VEZF1: variants seen among roughly 807,000 people sequenced by gnomAD.
The protein encoded by VEZF1 is vascular endothelial zinc finger 1.
VEZF1 carries 5 observed loss-of-function variants against 44.1 expected under a neutral mutation model. The ratio of observed to expected loss-of-function variants is 0.11; its 90% CI spans 0.06 to 0.24. The LOEUF is 0.24. VEZF1 is among the 10% of genes least tolerant of loss of function. The probability of loss-of-function intolerance (pLI) is 1.00; values close to 1 mark genes in which losing one functional copy is unlikely to be tolerated. For missense variants in VEZF1, 358 were observed against 641.8 expected, an observed-to-expected ratio of 0.56 and a Z score of 4.78; for synonymous variants, 236 against 233.1, an observed-to-expected ratio of 1.01 and a Z score of -0.11.
At position 57,974,815 on chromosome 17, in the gene VEZF1, C is replaced by T. The variant is rs781487035; in HGVS notation, c.1224G>A (p.Ser408=). The T allele has an allele frequency of 2.0e-5, 32 of 1,613,950 alleles. No individual in the cohort carries two copies. Among genetic ancestry groups the T allele is most frequent in the South Asian group, 8.8e-5 (8 of 91,080 alleles). Reference sequence around the variant, plus strand: ...TGACTGGGTTTGACATAGTCCCAGACGACACAGAGGATGTTATACTGAATG... The same window carrying T: ...TGACTGGGTTTGACATAGTCCCAGATGACACAGAGGATGTTATACTGAATG... ...TTPFSITSSV[S]SGTMSNPVTV... is the part of the protein sequence containing the mutation. The change falls in exon 6 of 6, where the codon TCG becomes TCA. Residue 408 remains serine, a synonymous_variant. Transcript: ENST00000581208.
intron 5 of VEZF1, among the ~76,000 whole-genome samples, chr17:57,976,000 C>T (rs2075186968): frequency 1.3e-5 from 2 of 152,056 alleles, no homozygotes; most frequent in South Asian, 2.1e-4. Flanking sequence ...GGTTTCGCCA[C>T]GTTGCCCAGG....
rs536182101 is a variant in VEZF1, at chr17:57,978,244, A to G, written c.1138+908T>C. On this transcript the variant is annotated intron_variant, in intron 5 of 5. Transcript: ENST00000581208. ...AAAACAGAAGGGATCACTCTGAGGA[A>G]GGGAAGAGCCACACTACATGAAAGC... Among the ~76,000 whole-genome samples the G allele has an allele frequency of 2.7e-3, 410 of 152,210 alleles. 1 individual carries two copies. Among genetic ancestry groups the G allele is most frequent in the Non-Finnish European group, 3.9e-3 (264 of 67,986 alleles).
intron 5 of VEZF1, among the ~76,000 whole-genome samples, chr17:57,976,980 G>A (rs529865139): frequency 6.6e-6 from 1 of 152,168 alleles, no homozygotes; most frequent in East Asian, 1.9e-4. Flanking sequence ...CTTTTACTAT[G>A]ACTTAAACAT....
At chr17:57,987,136 CAG>C (rs1042996435) in intron 1 of VEZF1, among the ~76,000 whole-genome samples, 47 of 152,350 alleles carry the variant, frequency 3.1e-4, no homozygotes, top group African/African-American at 1.0e-3. Flanking sequence ...ACCAACATCC[CAG>C]AGAGTGACTC....
rs2075262699 is a variant in VEZF1, at chr17:57,982,869, C to T, written c.558G>A (p.Val186=). 1 of 1,614,012 alleles carries T rather than the reference C, an allele frequency of 6.2e-7. No individual in the cohort carries two copies. The highest frequency in any genetic ancestry group is 1.7e-5 in the Admixed American group (1 of 59,996). The stretch of plus-strand genomic sequence containing the variant: ...AGAGCTTGTGTCGATTGAGATGGTA[C>T]ACATCTCGGAAGGCCTTCCCACACA... ...CEMCGKAFRD[V]YHLNRHKLSH... The change falls in exon 2 of 6, where the codon GTG becomes GTA. Residue 186 remains valine, a synonymous_variant. Transcript: ENST00000581208.
chr17:57,979,446 G>C (rs1377537506), intron 4 of VEZF1, 133 bp from the exon 5 acceptor site: 7 of 1,373,180 alleles, frequency 5.1e-6, no homozygotes, highest in Non-Finnish European at 6.8e-6. Context: ...CATCTTTTTT[G>C]CTGCTGTGTC....
chr17:57,987,759 G>A (rs924552341), intron 1 of VEZF1, among the ~76,000 whole-genome samples: 18 of 152,004 alleles, frequency 1.2e-4, no homozygotes, highest in Non-Finnish European at 2.4e-4. Flanking sequence ...CCGCGGGGTG[G>A]TGACAGCGAC....
chr17:57,986,885 C>A (rs530245678), intron 1 of VEZF1, among the ~76,000 whole-genome samples: 5 of 152,174 alleles, frequency 3.3e-5, no homozygotes, highest in Admixed American at 6.5e-5. Context: ...CTCAGAGAGG[C>A]GGGAAGAACG....
chr17:57,975,955 C>T (rs938148744), intron 5 of VEZF1, among the ~76,000 whole-genome samples: 2 of 152,116 alleles, frequency 1.3e-5, no homozygotes, highest in South Asian at 2.1e-4. Flanking sequence ...CATGCCATCA[C>T]GCCCAGCTAA....
chr17:57,986,008 A>G (rs2075290020), intron 1 of VEZF1: 1 of 152,256 alleles, frequency 6.6e-6, no homozygotes, highest in Non-Finnish European at 1.5e-5. Flanking sequence ...AGACTGAAAT[A>G]TTCTCTTTAC....
chr17:57,979,338 A>T (rs370300603), intron 4 of VEZF1, 25 bp from the exon 5 acceptor site: 30 of 1,611,940 alleles, frequency 1.9e-5, no homozygotes, highest in Non-Finnish European at 8.5e-7. Flanking sequence ...AACCAAAAAC[A>T]CTGTATCTAC....
At chr17:57,987,929 C>G (rs921428831) in intron 1 of VEZF1, 150 bp downstream of exon 1, 1 of 157,242 alleles carries the variant, frequency 6.4e-6, no homozygotes, top group African/African-American at 2.4e-5. Context: ...CCCGCTTCGC[C>G]GGGGCGGGCG....
rs2075138788 is a variant in VEZF1 at position 57,971,821 on chromosome 17, A to C, written c.*2652T>G. On this transcript the variant is annotated 3_prime_UTR_variant, in exon 6 of 6. Coordinates refer to ENST00000581208, the MANE Select transcript of VEZF1 (RefSeq NM_007146.3). ...TCTGATAAAGGGGAAGCTCTCAACC[A>C]GGTTACAACCAGAAGGGAAAAACGT... 1 of 152,658 alleles carries C rather than the reference A, an allele frequency of 6.6e-6. No individual in the cohort carries two copies. The highest frequency in any genetic ancestry group is 6.5e-5 in the Admixed American group (1 of 15,282). The allele number at this position is 152,658 out of a possible 1,614,324, so 9.5% of individuals were successfully genotyped here. A position where few individuals can be genotyped will look rare whatever the true frequency, so the allele number is the denominator to read the frequency against.
chr17:57,985,438 G>A (rs2075285767), intron 1 of VEZF1: 2 of 1,222,832 alleles, frequency 1.6e-6, no homozygotes, highest in South Asian at 4.3e-5. Context: ...GCCTTCTAAG[G>A]GGGAACTGGG....
At chr17:57,978,077 C>T (rs2075209700) in intron 5 of VEZF1, among the ~76,000 whole-genome samples, 1 of 151,956 alleles carries the variant, frequency 6.6e-6, no homozygotes, top group Non-Finnish European at 1.5e-5. Flanking sequence ...GTGGCACACA[C>T]CTGTCGTCCT....
At chr17:57,979,539 T>C (rs777402568) in intron 4 of VEZF1, among the ~76,000 whole-genome samples, 25 of 85,242 alleles carry the variant, frequency 2.9e-4, no homozygotes, top group Middle Eastern at 0.014. Context: ...CTCTTTGCTA[T>C]AAAAAAAAAA....
intron 5 of VEZF1, among the ~76,000 whole-genome samples, chr17:57,975,486 G>A (rs939675519): frequency 1.4e-4 from 21 of 152,222 alleles, no homozygotes; most frequent in Non-Finnish European, 2.4e-4. Context: ...TGCATAATTG[G>A]GGAATGATAA....
At chr17:57,982,065 T>C in intron 2 of VEZF1, 129 bp from the exon 3 acceptor site, 4 of 881,604 alleles carry the variant, frequency 4.5e-6, no homozygotes, top group Non-Finnish European at 7.1e-6. Flanking sequence ...ATTACCAACC[T>C]CCCTCCCCCG....
chr17:57,979,631 A>G (rs1402592354), intron 4 of VEZF1, among the ~76,000 whole-genome samples: 1 of 151,956 alleles, frequency 6.6e-6, no homozygotes, highest in Non-Finnish European at 1.5e-5. Flanking sequence ...ATTCAACAAA[A>G]TTTTTTATTT....
Sources: allele counts gnomAD v4.1 joint callset (sites outside exome capture counted in the v4.1 genomes callset), GRCh38; gene constraint gnomAD v4.1.1; transcripts MANE v1.5; gene names NCBI Gene and HGNC (gene_info 2026-07-23, HGNC 2026-07-21).